Variants in ADAMTS17 observed in about 807,000 individuals in gnomAD.
ADAMTS17 encodes A disintegrin and metalloproteinase with thrombospondin motifs 17.
ADAMTS17 carries 113 observed loss-of-function variants against 141.5 expected under a neutral mutation model. The observed-to-expected ratio is 0.80, with a 90% CI of 0.69 to 0.93. ADAMTS17 has a LOEUF of 0.93. ADAMTS17 is among the 40% of genes least tolerant of loss of function. The pLI, the probability that ADAMTS17 is intolerant of heterozygous loss-of-function variation, is 0.00. For synonymous variants in ADAMTS17, 768 were observed against 630.6 expected (o/e 1.22, Z -3.27); for missense variants, 1,659 against 1,517.9 (o/e 1.09, Z -1.54).
At chr15:100,200,317 C>T (rs534964983) in intron 7 of ADAMTS17, among the ~76,000 whole-genome samples, 4 of 152,144 alleles carry the variant, frequency 2.6e-5, no homozygotes, top group South Asian at 2.1e-4. Flanking sequence ...GGCAGAGGGA[C>T]GCATAGGATG....
At position 100,098,801 on chromosome 15, in the gene ADAMTS17, T is replaced by C. The variant is rs187787605; in HGVS notation, c.2017-2325A>G. Among the ~76,000 whole-genome samples the C allele has an allele frequency of 8.8e-4, 134 of 152,332 alleles. 1 individual carries two copies. Among genetic ancestry groups the C allele is most frequent in the Non-Finnish European group, 1.5e-3 (105 of 68,026 alleles). On this transcript the variant is annotated intron_variant, in intron 14 of 21. Coordinates refer to ENST00000268070, the MANE Select transcript of ADAMTS17 (RefSeq NM_139057.4). ...GCTTTGTTTCACTTCAGAGCTCCAGTGCATGGTCTCCAGACTTGCTTCTGC... is the reference window on the plus strand; with the variant it reads ...GCTTTGTTTCACTTCAGAGCTCCAGCGCATGGTCTCCAGACTTGCTTCTGC...
chr15:100,264,662 C>G (rs1342576635), intron 4 of ADAMTS17, among the ~76,000 whole-genome samples: 1 of 152,176 alleles, frequency 6.6e-6, no homozygotes, highest in Non-Finnish European at 1.5e-5. Context: ...CAAAATCACC[C>G]ATTTTCTCCT....
rs532850522 is a variant in ADAMTS17, at chr15:100,341,770, G to C, written c.79+51C>G. The C allele has an allele frequency of 3.4e-5, 52 of 1,537,676 alleles. No individual in the cohort carries two copies. In the South Asian group the frequency reaches 4.3e-4, roughly 13 times the overall value. ...CCAGGACGCCGCGAGAACGCAGAGG[G>C]AAGGTAGCCGCAGGACGCGGGGTGA... On this transcript the variant is annotated intron_variant, in intron 1 of 21. Coordinates refer to ENST00000268070, the MANE Select transcript of ADAMTS17 (RefSeq NM_139057.4).
intron 3 of ADAMTS17, among the ~76,000 whole-genome samples, chr15:100,290,084 G>T (rs1239042011): frequency 1.3e-5 from 2 of 152,056 alleles, no homozygotes; most frequent in East Asian, 3.9e-4. Flanking sequence ...ATCTCTGCTT[G>T]CAGACGTTAT....
intron 13 of ADAMTS17, among the ~76,000 whole-genome samples, chr15:100,111,403 G>A (rs1423298304): frequency 2.0e-5 from 3 of 152,232 alleles, no homozygotes; most frequent in Non-Finnish European, 4.4e-5. Context: ...CTCAGGAGGT[G>A]GCTGGTGGAA....
chr15:100,332,395 G>A (rs8025298), intron 2 of ADAMTS17, among the ~76,000 whole-genome samples: 1 of 152,208 alleles, frequency 6.6e-6, no homozygotes, highest in South Asian at 2.1e-4. Context: ...AGAAAGAGTG[G>A]GCAGGGTACG....
chr15:100,068,497 C>T (rs993831034), intron 15 of ADAMTS17, among the ~76,000 whole-genome samples: 2 of 152,202 alleles, frequency 1.3e-5, no homozygotes, highest in Non-Finnish European at 2.9e-5. Context: ...TTGGGAGGCA[C>T]CCCCCAGTAG....
At chr15:100,068,302 C>T (rs1221780711) in intron 15 of ADAMTS17, among the ~76,000 whole-genome samples, 1 of 152,102 alleles carries the variant, frequency 6.6e-6, no homozygotes, top group Non-Finnish European at 1.5e-5. Flanking sequence ...GGCCTGCCTT[C>T]CTCTGTAGAC....
Position 100,184,586 on chromosome 15 carries a change from A to G in ADAMTS17, c.1181+14732T>C, listed in dbSNP as rs760696496. 1.0e-3 allele frequency among the ~76,000 whole-genome samples: 158 copies of G among 152,218 alleles called. 3 individuals are homozygous for G. The highest frequency in any genetic ancestry group is 3.1e-4 in the Non-Finnish European group (21 of 68,034). On this transcript the variant is annotated intron_variant, in intron 8 of 21. Coordinates refer to ENST00000268070, the MANE Select transcript of ADAMTS17 (RefSeq NM_139057.4). ...AATGATGTGTGGCAAAGCTACCTTCAGGAATTTTTCTTTGGGGACCAGACC... is the reference window on the plus strand; with the variant it reads ...AATGATGTGTGGCAAAGCTACCTTCGGGAATTTTTCTTTGGGGACCAGACC...
intron 3 of ADAMTS17, among the ~76,000 whole-genome samples, chr15:100,290,823 C>G (rs2044602634): frequency 6.6e-6 from 1 of 152,136 alleles, no homozygotes; most frequent in South Asian, 2.1e-4. Context: ...TGGACCCCTT[C>G]CTCTCACCAT....
intron 12 of ADAMTS17, among the ~76,000 whole-genome samples, chr15:100,125,420 A>G (rs1470105635): frequency 6.6e-6 from 1 of 152,212 alleles, no homozygotes; most frequent in Non-Finnish European, 1.5e-5. Flanking sequence ...ACCTTACACC[A>G]GCCGTCCTCC....
chr15:100,016,495 CTG>C (rs1370001612), intron 18 of ADAMTS17, among the ~76,000 whole-genome samples: 2 of 152,192 alleles, frequency 1.3e-5, no homozygotes, highest in Non-Finnish European at 2.9e-5. Context: ...TGGGCAGACT[CTG>C]TCAAAGGAAA....
chr15:100,313,109 C>A (rs2045455134), intron 3 of ADAMTS17, among the ~76,000 whole-genome samples: 1 of 152,162 alleles, frequency 6.6e-6, no homozygotes, highest in Non-Finnish European at 1.5e-5. Flanking sequence ...AAACCAATAG[C>A]TTCCATGGTT....
intron 20 of ADAMTS17, among the ~76,000 whole-genome samples, chr15:99,990,106 G>A (rs2060661504): frequency 6.6e-6 from 1 of 152,188 alleles, no homozygotes; most frequent in South Asian, 2.1e-4. Flanking sequence ...TGCAATAATG[G>A]CTCACTGTAG....
At chr15:99,981,964 G>A (rs1003737049) in intron 20 of ADAMTS17, among the ~76,000 whole-genome samples, 9 of 152,228 alleles carry the variant, frequency 5.9e-5, no homozygotes, top group South Asian at 2.1e-4. Context: ...CATGCAGTGC[G>A]GGGTGTCAGG....
intron 7 of ADAMTS17, among the ~76,000 whole-genome samples, chr15:100,207,298 T>C (rs2041611859): frequency 6.6e-6 from 1 of 152,172 alleles, no homozygotes; most frequent in African/African-American, 2.4e-5. Context: ...AGAGATTCCT[T>C]ATCCCAAACC....
intron 7 of ADAMTS17, among the ~76,000 whole-genome samples, chr15:100,224,339 A>T (rs2042233200): frequency 6.6e-6 from 1 of 152,128 alleles, no homozygotes; most frequent in Non-Finnish European, 1.5e-5. Context: ...CAGATATACC[A>T]GGGAGGGAGA....
intron 14 of ADAMTS17, among the ~76,000 whole-genome samples, chr15:100,100,337 G>A (rs1465109364): frequency 6.6e-6 from 1 of 152,082 alleles, no homozygotes; most frequent in Non-Finnish European, 1.5e-5. Context: ...CATTTTCTTG[G>A]TAATTTCGCC....
At chr15:100,050,733 C>T (rs1299381060) in intron 17 of ADAMTS17, among the ~76,000 whole-genome samples, 1 of 152,220 alleles carries the variant, frequency 6.6e-6, no homozygotes, top group Non-Finnish European at 1.5e-5. Context: ...CATTATCCAA[C>T]TCTCTGGGTT....
Sources: gnomAD v4.1 joint callset for allele counts (sites outside exome capture counted in the v4.1 genomes callset) on GRCh38, gnomAD v4.1.1 for gene constraint, MANE v1.5 for transcripts, NCBI Gene and HGNC (gene_info 2026-07-23, HGNC 2026-07-21) for gene names.